Variants in SNTG1 observed in about 807,000 individuals in gnomAD.
The protein encoded by SNTG1 is gamma-1-syntrophin.
Under a neutral mutation model 74.7 loss-of-function variants are expected in SNTG1, and 39 were observed. The observed-to-expected ratio is 0.52, with a 90% CI of 0.40 to 0.68. The LOEUF is 0.68. SNTG1 is among the 30% of genes least tolerant of loss of function. The pLI, the probability that SNTG1 is intolerant of heterozygous loss-of-function variation, is 0.00. For missense variants in SNTG1, 685 were observed against 609.5 expected (o/e 1.12, Z -1.30); for synonymous variants, 254 against 217.1 (o/e 1.17, Z -1.49).
At chr8:50,621,567 A>G (rs1479396283) in intron 13 of SNTG1, among the ~76,000 whole-genome samples, 14 of 152,238 alleles carry the variant, frequency 9.2e-5, no homozygotes, top group Admixed American at 8.5e-4. Context: ...GATAATACAA[A>G]CAATGAAATA....
intron 1 of SNTG1, among the ~76,000 whole-genome samples, chr8:49,930,266 A>AC (rs1807445297): frequency 6.6e-6 from 1 of 151,382 alleles, no homozygotes. Context: ...GGAATAGTAA[A>AC]AAAAATCATT....
At chr8:50,749,638 T>C (rs1366206204) in intron 17 of SNTG1, among the ~76,000 whole-genome samples, 1 of 151,974 alleles carries the variant, frequency 6.6e-6, no homozygotes. Context: ...CCAATTCTCA[T>C]TTACCATTCT....
rs140001840 is a variant in SNTG1 at position 50,581,853 on chromosome 8, C to T, written c.811-9026C>T. Among the ~76,000 whole-genome samples, 489 of 152,284 alleles carry T rather than the reference C, an allele frequency of 3.2e-3. 2 individuals are homozygous for T. Among genetic ancestry groups the T allele is most frequent in the African/African-American group, 0.011 (463 of 41,570 alleles). On this transcript the variant is annotated intron_variant, in intron 12 of 18. Transcript: ENST00000642720. The stretch of plus-strand genomic sequence containing the variant: ...GCAGAGCATCCTATTGAAAATATTG[C>T]AGTCCTAAAGAATGTCTAGTGATAG...
At chr8:50,150,717 A>ACCAG (rs2131534169) in intron 1 of SNTG1, among the ~76,000 whole-genome samples, 1 of 152,182 alleles carries the variant, frequency 6.6e-6, no homozygotes, top group South Asian at 2.1e-4. Context: ...TGTATGTTGA[A>ACCAG]CCAGCCTGTA....
intron 1 of SNTG1, among the ~76,000 whole-genome samples, chr8:49,957,560 T>C (rs1810290468): frequency 6.6e-6 from 1 of 152,128 alleles, no homozygotes; most frequent in Non-Finnish European, 1.5e-5. Context: ...TTGGGAAGGA[T>C]AGTCCAGCAG....
rs79831230 is a variant in SNTG1, at chr8:50,526,270, C to G, written c.467-3907C>G. Among the ~76,000 whole-genome samples, 999 of 152,226 alleles carry G rather than the reference C, an allele frequency of 6.6e-3. 15 individuals are homozygous for G. Among genetic ancestry groups the G allele is most frequent in the African/African-American group, 0.023 (956 of 41,562 alleles). ...GAAACCAGACCCTTGTGCACTCCCC[C>G]AAAAGCCAGAATATTGGATGAGTGT... On this transcript the variant is annotated intron_variant, in intron 9 of 18. Transcript: ENST00000642720.
At chr8:50,178,684 A>G (rs2083090881) in intron 2 of SNTG1, among the ~76,000 whole-genome samples, 1 of 152,172 alleles carries the variant, frequency 6.6e-6, no homozygotes, top group East Asian at 1.9e-4. Context: ...CAGCTCTATC[A>G]GCCTTCTTAT....
At chr8:50,454,153 C>T (rs2093481219) in intron 8 of SNTG1, among the ~76,000 whole-genome samples, 1 of 152,176 alleles carries the variant, frequency 6.6e-6, no homozygotes, top group South Asian at 2.1e-4. Flanking sequence ...ATCTCTATAT[C>T]TTGTCATCTG....
At chr8:50,203,624 C>T (rs57371928) in intron 2 of SNTG1, among the ~76,000 whole-genome samples, 19,272 of 151,802 alleles carry the variant, frequency 0.13, 3,975 homozygotes, top group African/African-American at 0.43. Flanking sequence ...AAATGTGAAA[C>T]ATATACCTTT....
intron 2 of SNTG1, among the ~76,000 whole-genome samples, chr8:50,213,910 C>T (rs1471551128): frequency 6.6e-6 from 1 of 151,748 alleles, no homozygotes; most frequent in African/African-American, 2.4e-5. Context: ...GTTTCTTTTG[C>T]TGTGCAGAAG....
chr8:49,969,395 T>A (rs976231186), intron 1 of SNTG1, among the ~76,000 whole-genome samples: 12 of 127,158 alleles, frequency 9.4e-5, no homozygotes, highest in Non-Finnish European at 1.4e-4. Context: ...ATCTTTTTTT[T>A]TTTTTTTTTT....
At chr8:50,007,725 C>T (rs1243993153) in intron 1 of SNTG1, among the ~76,000 whole-genome samples, 1 of 152,016 alleles carries the variant, frequency 6.6e-6, no homozygotes, top group Non-Finnish European at 1.5e-5. Flanking sequence ...AAGAGAGTTG[C>T]AGCTTTCTTG....
At chr8:50,058,393 A>C (rs1165669207) in intron 1 of SNTG1, among the ~76,000 whole-genome samples, 2 of 152,136 alleles carry the variant, frequency 1.3e-5, no homozygotes, top group African/African-American at 4.8e-5. Context: ...CAGGCTAGAA[A>C]CCACACACCT....
chr8:50,004,527 A>G (rs1198719335), intron 1 of SNTG1, among the ~76,000 whole-genome samples: 1 of 152,088 alleles, frequency 6.6e-6, no homozygotes, highest in Non-Finnish European at 1.5e-5. Context: ...TCCTCTTAGT[A>G]ACTCCCCAAC....
In SNTG1 at chr8:50,044,128, G is replaced by T. The variant is rs569349520; in HGVS notation, c.-102-128433G>T. On this transcript the variant is annotated intron_variant, in intron 1 of 18. Transcript: ENST00000642720. ...CATATCCCCCTCTTTTTCGCCAGGG[G>T]TTAAACTCACAGAAGTCCCTAGTTA... Among the ~76,000 whole-genome samples, 7 of 152,214 alleles carry T rather than the reference G, an allele frequency of 4.6e-5. No homozygotes were observed. The South Asian group carries it at 1.5e-3, about 32-fold the overall frequency.
intron 15 of SNTG1, among the ~76,000 whole-genome samples, chr8:50,660,730 A>G (rs1435927090): frequency 6.6e-6 from 1 of 152,200 alleles, no homozygotes; most frequent in Non-Finnish European, 1.5e-5. Context: ...TAAACATTAG[A>G]ACATAATGCA....
intron 1 of SNTG1, among the ~76,000 whole-genome samples, chr8:50,110,015 T>G (rs896717482): frequency 6.6e-6 from 1 of 152,194 alleles, no homozygotes; most frequent in Non-Finnish European, 1.5e-5. Context: ...TACTCTCTGT[T>G]GATACGCATG....
intron 2 of SNTG1, among the ~76,000 whole-genome samples, chr8:50,351,381 G>A (rs554186309): frequency 4.1e-4 from 63 of 152,314 alleles, no homozygotes; most frequent in South Asian, 1.7e-3. Flanking sequence ...CAGGAAAGGC[G>A]CTCAAGTAGT....
intron 2 of SNTG1, among the ~76,000 whole-genome samples, chr8:50,325,888 A>G (rs2090725185): frequency 6.6e-6 from 1 of 152,026 alleles, no homozygotes; most frequent in Admixed American, 6.5e-5. Flanking sequence ...TTCTTTTTCA[A>G]GTTCAGGAGG....
Sources: gnomAD v4.1 joint callset for allele counts (sites outside exome capture counted in the v4.1 genomes callset) on GRCh38, gnomAD v4.1.1 for gene constraint, MANE v1.5 for transcripts, NCBI Gene and HGNC (gene_info 2026-07-23, HGNC 2026-07-21) for gene names.